Variants in FHOD3 observed in about 807,000 individuals in gnomAD.
FHOD3 encodes the protein formin homology 2 domain containing 3, also known as FH1/FH2 domain-containing protein 3.
FHOD3 carries 90 observed loss-of-function variants against 173.0 expected under a neutral mutation model. The ratio of observed to expected loss-of-function variants is 0.52; its 90% CI spans 0.44 to 0.62. The LOEUF is 0.62. Among genes scored for constraint, FHOD3 ranks in the 20% least tolerant of loss-of-function variants. The pLI is 0.00. For synonymous variants in FHOD3, 828 were observed against 823.0 expected (o/e 1.01, Z -0.10); for missense variants, 1,945 against 2,034.7 (o/e 0.96, Z 0.85).
At chr18:36,654,315 T>G (rs2036265213) in intron 13 of FHOD3, among the ~76,000 whole-genome samples, 1 of 152,254 alleles carries the variant, frequency 6.6e-6, no homozygotes, top group African/African-American at 2.4e-5. Flanking sequence ...AGGGCTAATC[T>G]AGATCTATGA....
intron 6 of FHOD3, 130 bp downstream of exon 6, chr18:36,576,675 T>G: frequency 1.7e-6 from 1 of 580,562 alleles, no homozygotes; most frequent in Non-Finnish European, 3.0e-6. Context: ...TAAATGAGGA[T>G]TACTACTCTA....
chr18:36,627,634 G>C (rs1275673105), intron 10 of FHOD3, among the ~76,000 whole-genome samples: 1 of 151,126 alleles, frequency 6.6e-6, no homozygotes, highest in Non-Finnish European at 1.5e-5. Flanking sequence ...AGCTTGTAAA[G>C]ATAGGTGATG....
chr18:36,458,462 A>G (rs557608610), intron 3 of FHOD3, among the ~76,000 whole-genome samples: 2 of 152,110 alleles, frequency 1.3e-5, no homozygotes, highest in African/African-American at 4.8e-5. Context: ...AAGTGTGTGC[A>G]TATCATGGGT....
At chr18:36,665,344 T>G (rs972708104) in intron 14 of FHOD3, among the ~76,000 whole-genome samples, 5 of 152,186 alleles carry the variant, frequency 3.3e-5, no homozygotes, top group African/African-American at 1.2e-4. Context: ...TTCACAGGGC[T>G]TACACTTCAG....
At chr18:36,669,644 A>G (rs1448989040) in intron 14 of FHOD3, among the ~76,000 whole-genome samples, 1 of 152,010 alleles carries the variant, frequency 6.6e-6, no homozygotes, top group African/African-American at 2.4e-5. Flanking sequence ...TTTCATGCAT[A>G]GCATAACAAC....
In FHOD3 at chr18:36,718,102, G is replaced by A; in HGVS notation, c.2804G>A (p.Gly935Asp). Reference protein sequence around the residue: ...RVDVGCLDNRGSVKAFAEKFN... With the variant: ...RVDVGCLDNRDSVKAFAEKFN... Reference sequence around the variant, plus strand: ...GATGTCGGCTGTTTGGACAATCGGGGCAGTGTGAAAGCATTTGCTGAGAAA... The same window carrying A: ...GATGTCGGCTGTTTGGACAATCGGGACAGTGTGAAAGCATTTGCTGAGAAA... Residue 935 changes from glycine (G) to aspartate (D), a missense_variant, in exon 19 of 29, where the codon GGC becomes GAC. Physicochemically the swap from Gly to Asp is moderately conservative, Grantham distance 94 (BLOSUM62 -1). Transcript: ENST00000590592. 1.2e-6 allele frequency: 2 copies of A among 1,600,686 alleles called. No homozygotes were observed. The highest frequency in any genetic ancestry group is 1.7e-6 in the Non-Finnish European group (2 of 1,172,896).
At chr18:36,485,120 A>C (rs1257125428) in intron 3 of FHOD3, among the ~76,000 whole-genome samples, 2 of 148,598 alleles carry the variant, frequency 1.3e-5, no homozygotes. Flanking sequence ...AGCCAACAAG[A>C]ACTTCATCTC....
intron 5 of FHOD3, among the ~76,000 whole-genome samples, chr18:36,572,279 A>C (rs1396816305): frequency 6.6e-6 from 1 of 152,154 alleles, no homozygotes; most frequent in Non-Finnish European, 1.5e-5. Flanking sequence ...TGAAAACACA[A>C]ATCATGAATT....
In FHOD3 at chr18:36,431,149, A is replaced by T. The variant is rs73419002; in HGVS notation, c.337+58405A>T. Reference sequence around the variant, plus strand: ...CTTGGGCTAAAAATTTTATTATATGAGTATGGAAAGAAAGTTGAACAAACA... The same window carrying T: ...CTTGGGCTAAAAATTTTATTATATGTGTATGGAAAGAAAGTTGAACAAACA... On this transcript the variant is annotated intron_variant, in intron 3 of 28. Transcript: ENST00000590592. Among the ~76,000 whole-genome samples the T allele has an allele frequency of 3.9e-3, 599 of 152,340 alleles. 7 individuals carry two copies. Among genetic ancestry groups the T allele is most frequent in the African/African-American group, 0.014 (567 of 41,576 alleles).
At chr18:36,637,404 T>C (rs933985640) in intron 10 of FHOD3, among the ~76,000 whole-genome samples, 2 of 152,118 alleles carry the variant, frequency 1.3e-5, no homozygotes, top group African/African-American at 2.4e-5. Context: ...CCTGAGTTCA[T>C]GTGAGCACAT....
At chr18:36,504,060 A>G (rs1457587110) in intron 4 of FHOD3, among the ~76,000 whole-genome samples, 1 of 152,158 alleles carries the variant, frequency 6.6e-6, no homozygotes, top group East Asian at 1.9e-4. Flanking sequence ...AATTGAGATT[A>G]CAGGCATCCA....
At chr18:36,629,545 T>C (rs1320579341) in intron 10 of FHOD3, among the ~76,000 whole-genome samples, 1 of 152,180 alleles carries the variant, frequency 6.6e-6, no homozygotes, top group Non-Finnish European at 1.5e-5. Context: ...AAGGAGAGTA[T>C]GTGGCATATG....
chr18:36,669,365 T>C (rs2037386593), intron 14 of FHOD3, among the ~76,000 whole-genome samples: 1 of 151,960 alleles, frequency 6.6e-6, no homozygotes, highest in African/African-American at 2.4e-5. Flanking sequence ...TAGTGTTGAA[T>C]CTTTTTTTTA....
chr18:36,619,463 C>T (rs184614611), intron 9 of FHOD3, among the ~76,000 whole-genome samples: 2 of 152,354 alleles, frequency 1.3e-5, no homozygotes, highest in Admixed American at 1.3e-4. Context: ...CTATACTGGA[C>T]TCTTTTCTCT....
At chr18:36,466,544 T>C (rs535455447) in intron 3 of FHOD3, among the ~76,000 whole-genome samples, 113 of 152,304 alleles carry the variant, frequency 7.4e-4, no homozygotes, top group Non-Finnish European at 1.4e-3. Context: ...GGGAATATCT[T>C]GAGGCAGAGG....
chr18:36,718,342 A>C lies in FHOD3; in HGVS notation c.3044A>C (p.His1015Pro). 6.2e-6 allele frequency: 10 copies of C among 1,613,584 alleles called. No homozygotes were observed. The highest frequency in any genetic ancestry group is 8.5e-6 in the Non-Finnish European group (10 of 1,179,892). Residue 1015 changes from histidine to proline, a missense_variant, in exon 19 of 29, where the codon CAC becomes CCC. Physicochemically the swap from His to Pro is moderately conservative, Grantham distance 77. This residue lies in a region of FHOD3 where 1,099 missense variants were observed against 1,051.2 expected (regional missense o/e 1.05). Coordinates refer to ENST00000590592, the MANE Select transcript of FHOD3 (RefSeq NM_001281740.3). ...GATGTCCTAGATGTGGACCTGGGTC[A>C]CAGGGAGGCCCCTGGGCCACCTCCC... ...DIDVLDVDLG[H>P]REAPGPPPPP...
chr18:36,447,264 A>G (rs2051539700), intron 3 of FHOD3, among the ~76,000 whole-genome samples: 1 of 152,200 alleles, frequency 6.6e-6, no homozygotes, highest in African/African-American at 2.4e-5. Context: ...TTCTGGAGGG[A>G]CCACATTAAC....
intron 19 of FHOD3, among the ~76,000 whole-genome samples, chr18:36,726,797 C>A (rs2041097724): frequency 6.6e-6 from 1 of 152,154 alleles, no homozygotes; most frequent in African/African-American, 2.4e-5. Flanking sequence ...GCCTCAGCCT[C>A]CCGAGTAGCT....
At chr18:36,574,131 C>T (rs2058560421) in intron 5 of FHOD3, among the ~76,000 whole-genome samples, 1 of 152,156 alleles carries the variant, frequency 6.6e-6, no homozygotes, top group Non-Finnish European at 1.5e-5. Flanking sequence ...CTCTGGAGAA[C>T]TTGGCACACA....
Sources: allele counts gnomAD v4.1 joint callset (sites outside exome capture counted in the v4.1 genomes callset), GRCh38; gene constraint gnomAD v4.1.1; regional missense constraint gnomAD v4.1.1; transcripts MANE v1.5; gene names NCBI Gene and HGNC (gene_info 2026-07-23, HGNC 2026-07-21).